ERICH6: variants seen among roughly 807,000 people sequenced by gnomAD.
ERICH6 encodes glutamate rich 6.
Under a neutral mutation model 71.0 loss-of-function variants are expected in ERICH6, and 71 were observed. That is an observed-to-expected ratio of 1.00 (90% CI 0.83 to 1.22). The LOEUF is 1.22. Ranked by LOEUF, ERICH6 falls within the 50% of genes most tolerant of loss-of-function variation. The pLI, the probability that ERICH6 is intolerant of heterozygous loss-of-function variation, is 0.00. For synonymous variants in ERICH6, 262 were observed against 278.4 expected, an observed-to-expected ratio of 0.94 and a Z score of 0.59; for missense variants, 808 against 797.2, an observed-to-expected ratio of 1.01 and a Z score of -0.16.
At chr3:150,688,312 G>A (rs984540159) in intron 3 of ERICH6, among the ~76,000 whole-genome samples, 1 of 151,948 alleles carries the variant, frequency 6.6e-6, no homozygotes, top group African/African-American at 2.4e-5. Context: ...TTGTTATAGG[G>A]AAGAGCTCAA....
intron 10 of ERICH6, among the ~76,000 whole-genome samples, chr3:150,675,858 CT>C (rs75713453): frequency 0.12 from 15,097 of 130,828 alleles, 756 homozygotes; most frequent in Non-Finnish European, 0.13. Context: ...TCTTTCTTTC[CT>C]TTTTTTTTTT....
intron 13 of ERICH6, 120 bp downstream of exon 13, chr3:150,666,667 A>G: frequency 1.1e-6 from 1 of 887,788 alleles, no homozygotes; most frequent in Non-Finnish European, 1.7e-6. Flanking sequence ...TTGAATTCCA[A>G]AATCCTAGTG....
intron 7 of ERICH6, 76 bp from the exon 8 acceptor site, chr3:150,681,006 A>G (rs1559915228): frequency 4.2e-6 from 6 of 1,433,332 alleles, no homozygotes; most frequent in Non-Finnish European, 5.6e-6. Context: ...ATGACTAACA[A>G]GGTTTGGATA....
chr3:150,674,159 T>C (rs991663696), intron 10 of ERICH6, 118 bp from the exon 11 acceptor site: 2 of 762,972 alleles, frequency 2.6e-6, no homozygotes, highest in African/African-American at 3.6e-5. Flanking sequence ...TTAATTTAAA[T>C]GTTGGCCCTG....
intron 10 of ERICH6, among the ~76,000 whole-genome samples, chr3:150,676,280 C>A (rs1030986784): frequency 6.6e-6 from 1 of 151,936 alleles, no homozygotes; most frequent in African/African-American, 2.4e-5. Context: ...TCAGCTGTTG[C>A]AGTTTTCATT....
At chr3:150,664,859 T>TA (rs964531269) in intron 13 of ERICH6, among the ~76,000 whole-genome samples, 82 of 147,130 alleles carry the variant, frequency 5.6e-4, no homozygotes, top group Non-Finnish European at 1.1e-3. Flanking sequence ...TGCTTGTAAT[T>TA]AAAAAAAAAA....
At chr3:150,678,298 T>A in intron 10 of ERICH6, 111 bp downstream of exon 10, 1 of 1,044,752 alleles carries the variant, frequency 9.6e-7, no homozygotes, top group Non-Finnish European at 1.3e-6. Context: ...CCAATTCTTT[T>A]TGACAACTAG....
At chr3:150,664,722 G>T (rs1727345403) in intron 13 of ERICH6, among the ~76,000 whole-genome samples, 1 of 151,928 alleles carries the variant, frequency 6.6e-6, no homozygotes, top group Admixed American at 6.6e-5. Context: ...TTTGTGTGGT[G>T]CTTACTTTGG....
intron 9 of ERICH6, 135 bp from the exon 10 acceptor site, chr3:150,678,689 T>C (rs1266330553): frequency 2.9e-6 from 2 of 700,024 alleles, no homozygotes; most frequent in Non-Finnish European, 2.2e-6. Flanking sequence ...TTTTTCATCA[T>C]CTTTAAAAAT....
intron 2 of ERICH6, 63 bp downstream of exon 2, chr3:150,702,058 G>T: frequency 1.7e-6 from 2 of 1,146,886 alleles, no homozygotes; most frequent in Non-Finnish European, 2.5e-6. Context: ...TTCCTAACAT[G>T]TTTATCCAAA....
chr3:150,682,379 C>T, intron 6 of ERICH6, 63 bp from the exon 7 acceptor site: 1 of 1,247,864 alleles, frequency 8.0e-7, no homozygotes. Flanking sequence ...GCTCTGAGAG[C>T]AGCAGGAGCA....
chr3:150,703,368 G>A lies in ERICH6; in HGVS notation c.403+128C>T, dbSNP rs1266153649. 2.8e-6 allele frequency: 4 copies of A among 1,431,018 alleles called. No individual in the cohort carries two copies. In the East Asian group the frequency reaches 1.0e-4, roughly 36 times the overall value. 88.6% of individuals were successfully genotyped at this position (1,431,018 alleles called of 1,614,324 possible). On this transcript the variant is annotated intron_variant, in intron 1 of 13. Coordinates refer to ENST00000295910, the MANE Select transcript of ERICH6 (RefSeq NM_152394.5). Reference sequence around the variant, plus strand: ...GGGCGTGAGAGAGATTAGGTGTGTGGAATGGTGCATGCATTTAGAAATCAG... The same window carrying A: ...GGGCGTGAGAGAGATTAGGTGTGTGAAATGGTGCATGCATTTAGAAATCAG...
At chr3:150,681,363 T>C (rs1285233780) in intron 7 of ERICH6, among the ~76,000 whole-genome samples, 1 of 152,242 alleles carries the variant, frequency 6.6e-6, no homozygotes, top group Non-Finnish European at 1.5e-5. Flanking sequence ...TATGGTGACA[T>C]GTTTCAGTAC....
chr3:150,675,571 A>G (rs879916425), intron 10 of ERICH6, among the ~76,000 whole-genome samples: 2 of 151,400 alleles, frequency 1.3e-5, no homozygotes, highest in Admixed American at 1.3e-4. Flanking sequence ...CTGGTCTCAA[A>G]CTCCCTACCT....
chr3:150,659,914 T>C lies in ERICH6; in HGVS notation c.1970A>G (p.Asn657Ser). 1 of 1,603,528 alleles carries C rather than the reference T, an allele frequency of 6.2e-7. No individual in the cohort carries two copies. The highest frequency in any genetic ancestry group is 8.5e-7 in the Non-Finnish European group (1 of 1,173,792). Residue 657 changes from asparagine to serine, a missense_variant, in exon 14 of 14, where the codon AAT becomes AGT. Transcript: ENST00000295910. ...TAGTTAAATTTCTTCATTTATTATATTTCTTATTGTCTTCATTATATCTTG... is the reference window on the plus strand; with the variant it reads ...TAGTTAAATTTCTTCATTTATTATACTTCTTATTGTCTTCATTATATCTTG... ...IKQDIMKTIR[N>S]IINEEI
At chr3:150,680,730 A>C in intron 8 of ERICH6, 43 bp downstream of exon 8, 1 of 1,576,454 alleles carries the variant, frequency 6.3e-7, no homozygotes, top group East Asian at 2.2e-5. Flanking sequence ...AGCTCCGATT[A>C]AGCCGGCCTG....
intron 11 of ERICH6, 82 bp from the exon 12 acceptor site, chr3:150,669,533 CTG>C (rs1711497159): frequency 2.1e-6 from 3 of 1,445,318 alleles, no homozygotes; most frequent in Non-Finnish European, 2.8e-6. Context: ...AGAGAGCACT[CTG>C]AAATCATAAA....
chr3:150,692,318 G>T (rs1044720633), intron 3 of ERICH6, among the ~76,000 whole-genome samples: 27 of 152,020 alleles, frequency 1.8e-4, no homozygotes, highest in African/African-American at 6.3e-4. Context: ...GAAGGTTTTT[G>T]CTCTTTTTTT....
chr3:150,703,524 G>A lies in ERICH6; in HGVS notation c.375C>T (p.Ser125=), dbSNP rs1713021121. 1 of 1,608,470 alleles carries A rather than the reference G, an allele frequency of 6.2e-7. No homozygotes were observed. ...SATSTETPSA[S]PPSSTSSHKS... is the part of the protein sequence containing the mutation. ...TATGCGAGGAGGTGCTGGAGGGTGG[G>A]CTTGCGCTCGGCGTTTCAGTGCTGG... The change falls in exon 1 of 14, where the codon AGC becomes AGT. Residue 125 remains serine (S), a synonymous_variant. Coordinates refer to ENST00000295910, the MANE Select transcript of ERICH6 (RefSeq NM_152394.5).
Sources: allele counts gnomAD v4.1 joint callset (sites outside exome capture counted in the v4.1 genomes callset), GRCh38; gene constraint gnomAD v4.1.1; transcripts MANE v1.5; gene names NCBI Gene and HGNC (gene_info 2026-07-23, HGNC 2026-07-21).